CUL1: variants seen among roughly 807,000 people sequenced by gnomAD.
The protein encoded by CUL1 is cullin 1.
In CUL1, 24 loss-of-function variants were observed where a neutral mutation model predicts 118.0. The ratio of observed to expected loss-of-function variants is 0.20; its 90% CI spans 0.15 to 0.29. The LOEUF is 0.29. Ranked by LOEUF, CUL1 falls within the 10% of genes least tolerant of loss-of-function variation. The pLI, the probability that CUL1 is intolerant of heterozygous loss-of-function variation, is 1.00. For synonymous variants in CUL1, 332 were observed against 340.4 expected, an observed-to-expected ratio of 0.98 and a Z score of 0.27; for missense variants, 361 against 933.8, an observed-to-expected ratio of 0.39 and a Z score of 7.99.
chr7:148,719,180 G>A (rs1054896633), intron 1 of CUL1, among the ~76,000 whole-genome samples: 1 of 152,026 alleles, frequency 6.6e-6, no homozygotes, highest in African/African-American at 2.4e-5. Flanking sequence ...GCGCGGTGGC[G>A]GGCACCTATA....
At chr7:148,723,744 G>A (rs776304106) in intron 1 of CUL1, among the ~76,000 whole-genome samples, 3 of 149,444 alleles carry the variant, frequency 2.0e-5, no homozygotes, top group Non-Finnish European at 4.4e-5. Context: ...ACCAGTGTGC[G>A]ATTGATCCCC....
intron 1 of CUL1, among the ~76,000 whole-genome samples, chr7:148,723,798 T>C (rs1798474265): frequency 6.6e-6 from 1 of 151,922 alleles, no homozygotes; most frequent in African/African-American, 2.4e-5. Context: ...TCTTTTTTTT[T>C]TTTTCTTTTT....
chr7:148,707,989 A>C (rs762031918), intron 1 of CUL1, among the ~76,000 whole-genome samples: 8 of 151,992 alleles, frequency 5.3e-5, no homozygotes, highest in Admixed American at 1.3e-4. Flanking sequence ...CATTTCCCAG[A>C]CTTGTGGACC....
At chr7:148,739,592 G>A (rs901265674) in intron 2 of CUL1, among the ~76,000 whole-genome samples, 5 of 152,076 alleles carry the variant, frequency 3.3e-5, no homozygotes, top group African/African-American at 1.2e-4. Flanking sequence ...GGGATATTTT[G>A]CTTTTTGTTA....
chr7:148,712,518 T>G (rs926390624), intron 1 of CUL1, among the ~76,000 whole-genome samples: 1 of 152,204 alleles, frequency 6.6e-6, no homozygotes, highest in Non-Finnish European at 1.5e-5. Context: ...TAACGTTAAT[T>G]TACTTCATTT....
In CUL1 at chr7:148,774,669, G is replaced by A. The variant is rs6978675; in HGVS notation, c.1083+6920G>A. On this transcript the variant is annotated intron_variant, in intron 9 of 21. Transcript: ENST00000325222. ...CAACAAAAAAGCACAAGTCCTCTTTGAAACCATATCTTGATTTAGTGTCCT... is the reference window on the plus strand; with the variant it reads ...CAACAAAAAAGCACAAGTCCTCTTTAAAACCATATCTTGATTTAGTGTCCT... 5.7e-3 allele frequency among the ~76,000 whole-genome samples: 867 copies of A among 152,312 alleles called. 12 individuals are homozygous for A. Among genetic ancestry groups the A allele is most frequent in the African/African-American group, 0.018 (764 of 41,566 alleles).
intron 2 of CUL1, among the ~76,000 whole-genome samples, chr7:148,748,275 A>G (rs764538473): frequency 5.9e-5 from 9 of 152,216 alleles, no homozygotes; most frequent in Non-Finnish European, 1.2e-4. Flanking sequence ...TTTTTTAAAA[A>G]GTCAATTATG....
At chr7:148,731,845 C>T (rs1410849830) in intron 2 of CUL1, among the ~76,000 whole-genome samples, 4 of 152,166 alleles carry the variant, frequency 2.6e-5, no homozygotes, top group Non-Finnish European at 5.9e-5. Flanking sequence ...CCTTGTAGCG[C>T]GTATCACTGT....
At chr7:148,699,292 G>C (rs954069149) in intron 1 of CUL1, among the ~76,000 whole-genome samples, 6 of 151,894 alleles carry the variant, frequency 4.0e-5, no homozygotes, top group Non-Finnish European at 7.4e-5. Flanking sequence ...GCCAGGCCTG[G>C]ACTACGCACT....
chr7:148,770,140 C>T (rs929311741), intron 9 of CUL1, among the ~76,000 whole-genome samples: 2 of 152,210 alleles, frequency 1.3e-5, no homozygotes, highest in Non-Finnish European at 2.9e-5. Flanking sequence ...CAAAAGTATA[C>T]CTTCTATGTA....
chr7:148,789,531 C>T lies in CUL1; in HGVS notation c.1598-219C>T, dbSNP rs147373238. The stretch of plus-strand genomic sequence containing the variant: ...GAGGTGGAAGCAAAATGAAGACTCT[C>T]ACTCTTTGGAAGAAAAGAGTATCTG... On this transcript the variant is annotated intron_variant, in intron 14 of 21. Coordinates refer to ENST00000325222, the MANE Select transcript of CUL1 (RefSeq NM_003592.3). 2.6e-5 allele frequency among the ~76,000 whole-genome samples: 4 copies of T among 152,170 alleles called. No homozygotes were observed. The South Asian group carries it at 6.2e-4, about 24-fold the overall frequency.
intron 19 of CUL1, 135 bp from the exon 20 acceptor site, chr7:148,798,437 A>C: frequency 1.5e-6 from 1 of 647,602 alleles, no homozygotes; most frequent in Non-Finnish European, 2.7e-6. Context: ...ATTTTCACGG[A>C]GAGCTCACAG....
chr7:148,747,543 A>C (rs902660814), intron 2 of CUL1, among the ~76,000 whole-genome samples: 1 of 152,206 alleles, frequency 6.6e-6, no homozygotes, highest in African/African-American at 2.4e-5. Context: ...TGACGTTTCC[A>C]TGGAAACCTG....
chr7:148,751,659 T>C (rs1000429740), intron 2 of CUL1, among the ~76,000 whole-genome samples: 6 of 150,498 alleles, frequency 4.0e-5, no homozygotes, highest in African/African-American at 1.5e-4. Context: ...ACACAAAAAA[T>C]AGGTATCTGC....
intron 17 of CUL1, among the ~76,000 whole-genome samples, chr7:148,793,267 A>G (rs1801078268): frequency 6.6e-6 from 1 of 152,210 alleles, no homozygotes; most frequent in African/African-American, 2.4e-5. Flanking sequence ...CCACTTTAGT[A>G]TTATTTTTCC....
chr7:148,777,972 A>G (rs150810364), intron 9 of CUL1, among the ~76,000 whole-genome samples: 7 of 150,410 alleles, frequency 4.7e-5, no homozygotes, highest in African/African-American at 1.7e-4. Flanking sequence ...CTGAGGCAGA[A>G]GAGTCACTTG....
chr7:148,718,807 A>C (rs1798303431), intron 1 of CUL1, among the ~76,000 whole-genome samples: 1 of 152,196 alleles, frequency 6.6e-6, no homozygotes, highest in African/African-American at 2.4e-5. Flanking sequence ...TTAATGCCGC[A>C]GATGTTTAAT....
Position 148,730,194 on chromosome 7 carries a change from C to G in CUL1, c.72C>G (p.Leu24=), listed in dbSNP as rs1798712144. 1 of 1,614,160 alleles carries G rather than the reference C, an allele frequency of 6.2e-7. No individual in the cohort carries two copies. ...GCCTGGACCAGATCTGGGACGACCT[C>G]AGAGCCGGCATCCAGCAGGTGTACA... ...QIGLDQIWDD[L]RAGIQQVYTR... Residue 24 remains leucine (L), a synonymous_variant, in exon 2 of 22, where the codon CTC becomes CTG. Coordinates refer to ENST00000325222, the MANE Select transcript of CUL1 (RefSeq NM_003592.3).
intron 9 of CUL1, among the ~76,000 whole-genome samples, chr7:148,776,349 CTCTT>C (rs1221664870): frequency 1.2e-5 from 1 of 82,062 alleles, no homozygotes; most frequent in Non-Finnish European, 2.2e-5. Context: ...TGGAGTCTCA[CTCTT>C]TCACCCAGGC....
Sources: allele counts gnomAD v4.1 joint callset (sites outside exome capture counted in the v4.1 genomes callset), GRCh38; gene constraint gnomAD v4.1.1; transcripts MANE v1.5; gene names NCBI Gene and HGNC (gene_info 2026-07-23, HGNC 2026-07-21).